PGGT1B: variants seen among roughly 807,000 people sequenced by gnomAD.
PGGT1B encodes the protein geranylgeranyl transferase type-1 subunit beta.
PGGT1B carries 30 observed loss-of-function variants against 46.1 expected under a neutral mutation model. The observed-to-expected ratio is 0.65, with a 90% CI of 0.49 to 0.88. The LOEUF is 0.88. PGGT1B is among the 40% of genes least tolerant of loss of function. The pLI is 0.00. For synonymous variants in PGGT1B, 170 were observed against 160.0 expected (o/e 1.06, Z -0.47); for missense variants, 376 against 455.9 (o/e 0.82, Z 1.60).
chr5:115,260,937 AT>A (rs1332704269), intron 1 of PGGT1B, among the ~76,000 whole-genome samples: 4 of 152,240 alleles, frequency 2.6e-5, no homozygotes, highest in African/African-American at 4.8e-5. Flanking sequence ...ACACATTGGC[AT>A]TTTGAAAATT....
chr5:115,255,114 C>T (rs538406048), intron 1 of PGGT1B, among the ~76,000 whole-genome samples: 1 of 152,292 alleles, frequency 6.6e-6, no homozygotes, highest in South Asian at 2.1e-4. Flanking sequence ...ATTGTGCTTA[C>T]CTACTCACAA....
chr5:115,236,859 GAAAAA>G lies in PGGT1B; in HGVS notation c.480-342_480-338del, dbSNP rs1361829477. On this transcript the variant is annotated intron_variant, in intron 4 of 8. Coordinates refer to ENST00000419445, the MANE Select transcript of PGGT1B (RefSeq NM_005023.4). ...GCAGTATACTGGCTTGAGAATGGCA[GAAAAA>G]GTAAAAGGTAAAACCTGAGACCTAC... 1.4e-4 allele frequency among the ~76,000 whole-genome samples: 22 copies of G among 152,180 alleles called. No individual in the cohort carries two copies. In the East Asian group the frequency reaches 2.9e-3, roughly 20 times the overall value.
chr5:115,242,194 GTCTC>G (rs1204998896), intron 2 of PGGT1B, among the ~76,000 whole-genome samples: 1 of 152,114 alleles, frequency 6.6e-6, no homozygotes, highest in Non-Finnish European at 1.5e-5. Flanking sequence ...TTAGCACTTA[GTCTC>G]TCTCTACTCA....
chr5:115,212,750 TA>T (rs370212734), intron 8 of PGGT1B, among the ~76,000 whole-genome samples, 167 bp from the exon 9 acceptor site: 5 of 148,424 alleles, frequency 3.4e-5, no homozygotes, highest in African/African-American at 5.0e-5. Context: ...AAACACCAAT[TA>T]AAAAAAAAAC....
At chr5:115,217,939 C>A (rs1756470658) in intron 7 of PGGT1B, among the ~76,000 whole-genome samples, 1 of 151,888 alleles carries the variant, frequency 6.6e-6, no homozygotes, top group Non-Finnish European at 1.5e-5. Context: ...TTTTCACTAT[C>A]CCATAATAAG....
At chr5:115,247,061 G>A (rs900834361) in intron 2 of PGGT1B, among the ~76,000 whole-genome samples, 1 of 152,108 alleles carries the variant, frequency 6.6e-6, no homozygotes, top group Non-Finnish European at 1.5e-5. Flanking sequence ...TCATTTATTT[G>A]CACGTTTGTA....
At chr5:115,231,984 G>A (rs1033882748) in intron 5 of PGGT1B, among the ~76,000 whole-genome samples, 2 of 152,044 alleles carry the variant, frequency 1.3e-5, no homozygotes, top group African/African-American at 4.8e-5. Flanking sequence ...ATTGGTCATT[G>A]CTCATGTTAT....
intron 1 of PGGT1B, among the ~76,000 whole-genome samples, chr5:115,259,628 G>A (rs542469913): frequency 2.1e-5 from 3 of 145,780 alleles, no homozygotes. Flanking sequence ...GGCGGAGGCT[G>A]CAGTGAGGAG....
At chr5:115,262,602 G>A in intron 1 of PGGT1B, 110 bp downstream of exon 1, 2 of 1,256,656 alleles carry the variant, frequency 1.6e-6, no homozygotes, top group South Asian at 1.4e-5. Context: ...AGTGCCAACT[G>A]GGCGGCCGCG....
At chr5:115,248,059 C>A (rs1212593134) in intron 2 of PGGT1B, among the ~76,000 whole-genome samples, 1 of 152,076 alleles carries the variant, frequency 6.6e-6, no homozygotes, top group African/African-American at 2.4e-5. Context: ...AAAAAGTGAG[C>A]CATCTGAAGA....
intron 1 of PGGT1B, among the ~76,000 whole-genome samples, chr5:115,257,057 TAAG>T (rs1169867413): frequency 6.6e-6 from 1 of 152,136 alleles, no homozygotes; most frequent in African/African-American, 2.4e-5. Context: ...ACAATATGTA[TAAG>T]AAGTTTATCT....
Position 115,210,821 on chromosome 5 carries a change from C to T in PGGT1B, c.*1581G>A, listed in dbSNP as rs982206437. The T allele has an allele frequency of 5.9e-5, 9 of 151,938 alleles. No individual in the cohort carries two copies. Among genetic ancestry groups the T allele is most frequent in the South Asian group, 2.1e-4 (1 of 4,822 alleles). 9.4% of individuals were successfully genotyped at this position (151,938 alleles called of 1,614,324 possible). A position where few individuals can be genotyped will look rare whatever the true frequency, so the allele number is the denominator to read the frequency against. The stretch of plus-strand genomic sequence containing the variant: ...AGTAGCAACTGGAATAACCCATAGA[C>T]GGATAACATCTGTTATTAAGCTTAC... On this transcript the variant is annotated 3_prime_UTR_variant, in exon 9 of 9. Coordinates refer to ENST00000419445, the MANE Select transcript of PGGT1B (RefSeq NM_005023.4).
At position 115,207,180 on chromosome 5, in the gene PGGT1B, C is replaced by CATACATATATATAT. The variant is rs1554069083; in HGVS notation, c.*5221_*5222insATATATATATGTAT. On this transcript the variant is annotated 3_prime_UTR_variant, in exon 9 of 9. Coordinates refer to ENST00000419445, the MANE Select transcript of PGGT1B (RefSeq NM_005023.4). Reference sequence around the variant, plus strand: ...ACTAGTTTAGGTTTGCATATACATACATATATATATATATATATATATATA... The same window carrying CATACATATATATAT: ...ACTAGTTTAGGTTTGCATATACATACATACATATATATATATATATATATATATATATATATATA... The CATACATATATATAT allele has an allele frequency of 1.9e-4, 17 of 89,958 alleles. No individual in the cohort carries two copies. The highest frequency in any genetic ancestry group is 1.6e-3 in the East Asian group (7 of 4,288). The allele number at this position is 89,958 out of a possible 1,614,324, so 5.6% of individuals were successfully genotyped here.
chr5:115,256,006 G>GT (rs765741597), intron 1 of PGGT1B, among the ~76,000 whole-genome samples: 1 of 152,176 alleles, frequency 6.6e-6, no homozygotes, highest in Non-Finnish European at 1.5e-5. Flanking sequence ...ATCTATGGGT[G>GT]TAAGGTGGGG....
chr5:115,243,772 C>A (rs1757420564), intron 2 of PGGT1B, among the ~76,000 whole-genome samples: 1 of 152,150 alleles, frequency 6.6e-6, no homozygotes, highest in Non-Finnish European at 1.5e-5. Flanking sequence ...GCAGAATCAA[C>A]TTCCTTGCAG....
At chr5:115,238,345 C>A (rs920509880) in intron 3 of PGGT1B, among the ~76,000 whole-genome samples, 1 of 117,172 alleles carries the variant, frequency 8.5e-6, no homozygotes, top group Non-Finnish European at 1.7e-5. Context: ...TATCTGTCAC[C>A]CAGGCTGGAC....
At chr5:115,228,463 G>C (rs866972690) in intron 6 of PGGT1B, among the ~76,000 whole-genome samples, 9 of 152,130 alleles carry the variant, frequency 5.9e-5, no homozygotes, top group African/African-American at 2.2e-4. Context: ...GGGGGTTAGA[G>C]AATGGGATGT....
intron 1 of PGGT1B, among the ~76,000 whole-genome samples, chr5:115,254,953 T>C (rs17137581): frequency 9.2e-5 from 14 of 152,156 alleles, no homozygotes; most frequent in Non-Finnish European, 1.5e-4. Context: ...TGGGAAGCAG[T>C]GTTGTACAGT....
At chr5:115,254,244 T>G (rs1748219767) in intron 1 of PGGT1B, among the ~76,000 whole-genome samples, 1 of 151,994 alleles carries the variant, frequency 6.6e-6, no homozygotes, top group African/African-American at 2.4e-5. Context: ...ACAGGTTGAG[T>G]ATCCCTTATC....
Sources: allele counts gnomAD v4.1 joint callset (sites outside exome capture counted in the v4.1 genomes callset), GRCh38; gene constraint gnomAD v4.1.1; transcripts MANE v1.5; gene names NCBI Gene and HGNC (gene_info 2026-07-23, HGNC 2026-07-21).